The following RUNX3 variants were observed in gnomAD, a reference collection of about 807,000 sequenced individuals.
RUNX3 encodes RUNX family transcription factor 3, also known as runt-related transcription factor 3.
In RUNX3, 10 loss-of-function variants were observed where a neutral mutation model predicts 27.7. That is an observed-to-expected ratio of 0.36 (90% CI 0.22 to 0.61). The LOEUF (loss-of-function observed/expected upper bound fraction) is 0.61. Ranked by LOEUF, RUNX3 falls within the 20% of genes least tolerant of loss-of-function variation. RUNX3 has a pLI of 0.72. For synonymous variants in RUNX3, 270 were observed against 269.2 expected, an observed-to-expected ratio of 1.00 and a Z score of -0.03; for missense variants, 469 against 629.5, an observed-to-expected ratio of 0.75 and a Z score of 2.73.
intron 2 of RUNX3, among the ~76,000 whole-genome samples, chr1:24,936,614 G>A (rs1202103909): frequency 2.0e-5 from 3 of 152,166 alleles, no homozygotes; most frequent in African/African-American, 7.2e-5. Context: ...CAGTGCCAGG[G>A]ACAGAGTCTG....
chr1:24,916,239 T>C lies in RUNX3; in HGVS notation c.544+3001A>G, dbSNP rs12142264. 0.13 allele frequency among the ~76,000 whole-genome samples: 19,789 copies of C among 152,236 alleles called. 3,445 individuals carry two copies. The highest frequency in any genetic ancestry group is 0.4 in the African/African-American group (16,484 of 41,510). On this transcript the variant is annotated intron_variant, in intron 3 of 4. Transcript: ENST00000308873. The surrounding 1 kb of genome is among the most constrained non-coding windows in gnomAD (Gnocchi z 4.8). ...GGAGCACAAAAGGCCTGTAACAACC[T>C]GTGAAGGTTGTGGGGGCACTTCCTG...
intron 2 of RUNX3, among the ~76,000 whole-genome samples, chr1:24,951,913 T>C (rs1641777406): frequency 6.6e-6 from 1 of 152,086 alleles, no homozygotes; most frequent in South Asian, 2.1e-4. Context: ...GAGACTTTAG[T>C]GAGCAAGATT....
chr1:24,932,079 G>T (rs1373841334), upstream of RUNX3, among the ~76,000 whole-genome samples: 1 of 152,236 alleles, frequency 6.6e-6, no homozygotes, highest in Non-Finnish European at 1.5e-5. Flanking sequence ...GCAGGTTGCG[G>T]GACCATGACC....
chr1:24,908,339 A>G (rs1250000007), intron 3 of RUNX3, among the ~76,000 whole-genome samples: 1 of 152,128 alleles, frequency 6.6e-6, no homozygotes, highest in Non-Finnish European at 1.5e-5. Context: ...TCTACAACAC[A>G]CTGTTTGGCA....
At chr1:24,953,542 G>A (rs1388970728) in intron 2 of RUNX3, among the ~76,000 whole-genome samples, 2 of 152,134 alleles carry the variant, frequency 1.3e-5, no homozygotes, top group Admixed American at 6.5e-5. Context: ...CAGTAGCCAC[G>A]TTTCAAGCGC....
rs893853917 is a variant in RUNX3, at chr1:24,943,035, C to T, written c.59-13183G>A. Among the ~76,000 whole-genome samples, 21 of 152,212 alleles carry T rather than the reference C, an allele frequency of 1.4e-4. No homozygotes were observed. The highest frequency in any genetic ancestry group is 2.0e-4 in the Admixed American group (3 of 15,286). ...CTCAGGACTGGGCGGGGGTCCGGAG[C>T]GGAAGGCGCCCAGCCCTGATTGGAA... On this transcript the variant is annotated intron_variant, in intron 2 of 6. Transcript: ENST00000338888. This position sits in a 1 kb window ranked among gnomAD's most constrained non-coding sequence, Gnocchi z 4.6.
chr1:24,909,955 G>A (rs562445168), intron 3 of RUNX3, among the ~76,000 whole-genome samples: 2 of 152,178 alleles, frequency 1.3e-5, no homozygotes, highest in Admixed American at 6.5e-5. Context: ...GCCACACGCC[G>A]AACAAGGGGT....
intron 3 of RUNX3, among the ~76,000 whole-genome samples, chr1:24,907,965 C>T (rs1337441854): frequency 2.0e-5 from 3 of 152,008 alleles, no homozygotes; most frequent in Non-Finnish European, 4.4e-5. Flanking sequence ...CAACCACACG[C>T]GGTGATCTAA....
Position 24,899,717 on chromosome 1 carries a change from G to A in RUNX3, c.*2405C>T, listed in dbSNP as rs111628829. The A allele has an allele frequency of 0.026, 3,924 of 152,770 alleles. 55 individuals carry two copies. The highest frequency in any genetic ancestry group is 0.041 in the Non-Finnish European group (2,782 of 68,022). 9.5% of individuals were successfully genotyped at this position (152,770 alleles called of 1,614,324 possible). ...GTTTTACATCAGATGAGTGCAGCAG[G>A]TGTCACACCTCAGCATGACAATATG... On this transcript the variant is annotated 3_prime_UTR_variant, in exon 5 of 5. Transcript: ENST00000308873.
chr1:24,959,216 G>A, intron 2 of RUNX3, among the ~76,000 whole-genome samples: 1 of 152,252 alleles, frequency 6.6e-6, no homozygotes, highest in East Asian at 1.9e-4. Context: ...GACCAGTGGG[G>A]CTGCTGGGGG....
At chr1:24,906,555 A>G (rs148789619) in intron 4 of RUNX3, among the ~76,000 whole-genome samples, 1 of 152,348 alleles carries the variant, frequency 6.6e-6, no homozygotes, top group African/African-American at 2.4e-5. Flanking sequence ...GTGAGCGGCT[A>G]CTATGCGCCA....
chr1:24,930,304 G>A, upstream of RUNX3: 1 of 895,182 alleles, frequency 1.1e-6, no homozygotes, highest in Non-Finnish European at 1.3e-6. The surrounding 1 kb of genome is among the most constrained non-coding windows in gnomAD (Gnocchi z 4.1). Context: ...CGCGGGGTTA[G>A]TACCCCCGGG....
intron 1 of RUNX3, chr1:24,929,201 T>C (rs1641160727): frequency 2.0e-6 from 1 of 497,096 alleles, no homozygotes; most frequent in Non-Finnish European, 3.9e-6. Flanking sequence ...GTAGGCCCTT[T>C]CACCGTTCGC....
chr1:24,910,055 C>A (rs1474618132), intron 3 of RUNX3, among the ~76,000 whole-genome samples: 1 of 152,142 alleles, frequency 6.6e-6, no homozygotes, highest in South Asian at 2.1e-4. Flanking sequence ...GAAGCCGAGG[C>A]GGGCGGATCA....
At chr1:24,963,522 A>G (rs1257475561) in intron 2 of RUNX3, among the ~76,000 whole-genome samples, 1 of 152,196 alleles carries the variant, frequency 6.6e-6, no homozygotes, top group Non-Finnish European at 1.5e-5. Context: ...GGCTCAGACA[A>G]TGAGAATTCC....
In RUNX3 at chr1:24,964,980, C is replaced by T. The variant is rs552167079; in HGVS notation, c.-242G>A. ...TCCGAAGCTGACAGAGCAGAGTGGGCCGCCTCCAGTGCCACGGGGAATGAA... is the reference window on the plus strand; with the variant it reads ...TCCGAAGCTGACAGAGCAGAGTGGGTCGCCTCCAGTGCCACGGGGAATGAA... On this transcript the variant is annotated 5_prime_UTR_variant, in exon 1 of 7. Coordinates refer to the RUNX3 transcript ENST00000338888. 12 of 262,862 alleles carry T rather than the reference C, an allele frequency of 4.6e-5. No homozygotes were observed. The South Asian group carries it at 4.9e-4, about 11-fold the overall frequency. 16.3% of individuals were successfully genotyped at this position (262,862 alleles called of 1,614,324 possible).
chr1:24,952,625 G>C (rs10127543), intron 2 of RUNX3, among the ~76,000 whole-genome samples: 71,347 of 152,068 alleles, frequency 0.47, 17,673 homozygotes, highest in East Asian at 0.64. Flanking sequence ...GGGATGAGTG[G>C]CTCCACCTCT....
At chr1:24,903,241 C>A (rs933906259) in intron 4 of RUNX3, among the ~76,000 whole-genome samples, 1 of 152,204 alleles carries the variant, frequency 6.6e-6, no homozygotes, top group African/African-American at 2.4e-5. Flanking sequence ...TGGGGACACA[C>A]GTGCCTCTCC....
Position 24,908,208 on chromosome 1 carries a change from C to T in RUNX3, c.545-791G>A, listed in dbSNP as rs546180651. ...CGACACGCGGTGATCCGAACCTCTACGACACGCGGTGATCTGAACCTCTAT... is the reference window on the plus strand; with the variant it reads ...CGACACGCGGTGATCCGAACCTCTATGACACGCGGTGATCTGAACCTCTAT... On this transcript the variant is annotated intron_variant, in intron 3 of 4. Transcript: ENST00000308873. 1.3e-3 allele frequency among the ~76,000 whole-genome samples: 194 copies of T among 144,318 alleles called. 5 individuals carry two copies. Among genetic ancestry groups the T allele is most frequent in the South Asian group, 4.6e-3 (21 of 4,578 alleles). The allele number at this position is 144,318 out of a possible 152,430, so 94.7% of individuals were successfully genotyped here. A position where few individuals can be genotyped will look rare whatever the true frequency, so the allele number is the denominator to read the frequency against.
Sources: allele counts gnomAD v4.1 joint callset (sites outside exome capture counted in the v4.1 genomes callset), GRCh38; gene constraint gnomAD v4.1.1; non-coding constraint Gnocchi (gnomAD v3.1); transcripts MANE v1.5; gene names NCBI Gene and HGNC (gene_info 2026-07-23, HGNC 2026-07-21).